LMO7: variants seen among roughly 807,000 people sequenced by gnomAD.
LMO7 encodes LIM domain 7, also known as LIM domain only protein 7.
In LMO7, 120 loss-of-function variants were observed where a neutral mutation model predicts 206.5. The ratio of observed to expected loss-of-function variants is 0.58; its 90% CI spans 0.50 to 0.68. The LOEUF is 0.68. Among genes scored for constraint, LMO7 ranks in the 30% least tolerant of loss-of-function variants. LMO7 has a pLI of 0.00. For synonymous variants in LMO7, 706 were observed against 681.5 expected, an observed-to-expected ratio of 1.04 and a Z score of -0.56; for missense variants, 1,959 against 1,957.9, an observed-to-expected ratio of 1.00 and a Z score of -0.01.
chr13:75,620,775 A>G (rs2033274919), exon 1 of LMO7: 1 of 152,114 alleles, frequency 6.6e-6, no homozygotes, highest in Non-Finnish European at 1.5e-5. Context: ...CTTTCCCACT[A>G]AGTGGCTTTC....
chr13:75,833,371 T>G (rs1187048795), intron 16 of LMO7, among the ~76,000 whole-genome samples: 1 of 152,184 alleles, frequency 6.6e-6, no homozygotes, highest in African/African-American at 2.4e-5. Flanking sequence ...GACTAATTAC[T>G]TTTAGTTTTG....
At chr13:75,716,894 C>CTTTT (rs35871564) in intron 2 of LMO7, among the ~76,000 whole-genome samples, 2 of 138,728 alleles carry the variant, frequency 1.4e-5, no homozygotes. Context: ...TGAAAACACT[C>CTTTT]TTTTTTTTTT....
In LMO7 at chr13:75,751,572, A is replaced by G. The variant is rs190914816; in HGVS notation, c.211-9360A>G. 1.2e-4 allele frequency among the ~76,000 whole-genome samples: 18 copies of G among 152,322 alleles called. No individual in the cohort carries two copies. In the East Asian group the frequency reaches 3.5e-3, roughly 29 times the overall value. On this transcript the variant is annotated intron_variant, in intron 3 of 30. Transcript: ENST00000377534. ...TGGTTAATTGACAGGGAACACTTCCAGGTGGTGTCGTTCTGGGAGCCTTGG... is the reference window on the plus strand; with the variant it reads ...TGGTTAATTGACAGGGAACACTTCCGGGTGGTGTCGTTCTGGGAGCCTTGG...
rs763828866 is a variant in LMO7, at chr13:75,795,422, A to T, written c.339A>T (p.Arg113Ser). The T allele has an allele frequency of 8.2e-6, 13 of 1,590,866 alleles. No homozygotes were observed. The East Asian group carries it at 2.7e-4, about 33-fold the overall frequency. The part of the protein sequence containing the change: ...VTVKQEETDR[R>S]VKNVLITLYW... ...ACAGGCAAGAAGAGACTGACAGGAG[A>T]GTGAAAAATGTAAGATACATTTACC... is the stretch of plus-strand genomic sequence containing the variant. Residue 113 changes from arginine to serine, a missense_variant, in exon 5 of 31, where the codon AGA (arginine) becomes AGT (serine). Coordinates refer to ENST00000377534, the MANE Select transcript of LMO7 (RefSeq NM_001306080.2).
At chr13:75,706,784 T>A (rs1209840399) in intron 1 of LMO7, among the ~76,000 whole-genome samples, 1 of 152,162 alleles carries the variant, frequency 6.6e-6, no homozygotes, top group African/African-American at 2.4e-5. Flanking sequence ...AGATTGAAGA[T>A]AATTTAATTT....
intron 4 of LMO7, among the ~76,000 whole-genome samples, chr13:75,787,345 C>T (rs868161539): frequency 7.9e-5 from 12 of 152,298 alleles, no homozygotes; most frequent in Middle Eastern, 6.8e-3. Context: ...ACCCACCTTT[C>T]GGCTCCTGCA....
chr13:75,738,060 G>C, intron 3 of LMO7, among the ~76,000 whole-genome samples: 1 of 151,874 alleles, frequency 6.6e-6, no homozygotes, highest in Non-Finnish European at 1.5e-5. Flanking sequence ...GGCCAAATGA[G>C]CTGTGGTCAG....
At chr13:75,842,962 A>C (rs1437555732) in intron 25 of LMO7, 46 bp downstream of exon 25, 6 of 1,205,554 alleles carry the variant, frequency 5.0e-6, no homozygotes, top group Non-Finnish European at 7.4e-6. Flanking sequence ...TAATGGCTTC[A>C]GACAATATTC....
At chr13:75,732,395 C>G (rs1005293127) in intron 3 of LMO7, among the ~76,000 whole-genome samples, 1 of 152,116 alleles carries the variant, frequency 6.6e-6, no homozygotes, top group Non-Finnish European at 1.5e-5. Flanking sequence ...TCACTGATAC[C>G]CTTTCTTCCA....
intron 4 of LMO7, among the ~76,000 whole-genome samples, chr13:75,777,788 G>T (rs1170739029): frequency 1.3e-5 from 2 of 151,806 alleles, no homozygotes; most frequent in African/African-American, 4.8e-5. Flanking sequence ...TGGGACTACA[G>T]GCGCCTGCCA....
intron 1 of LMO7, among the ~76,000 whole-genome samples, chr13:75,642,191 G>T (rs776363091): frequency 5.9e-5 from 9 of 152,160 alleles, no homozygotes; most frequent in Non-Finnish European, 1.2e-4. Flanking sequence ...TGAGGAACTG[G>T]GAGGGTTCCA....
At chr13:75,713,403 C>T (rs2043278655) in intron 2 of LMO7, 151 bp downstream of exon 2, 2 of 511,516 alleles carry the variant, frequency 3.9e-6, no homozygotes, top group Non-Finnish European at 7.0e-6. Context: ...ATTGATACCT[C>T]ACAATACGAG....
chr13:75,837,403 C>T (rs1318806938), intron 19 of LMO7, among the ~76,000 whole-genome samples: 7 of 152,290 alleles, frequency 4.6e-5, no homozygotes, highest in East Asian at 1.9e-4. Flanking sequence ...AGACATCTAG[C>T]TCTATGACGA....
chr13:75,650,901 C>G (rs2037492044), intron 1 of LMO7, among the ~76,000 whole-genome samples: 1 of 152,000 alleles, frequency 6.6e-6, no homozygotes, highest in Non-Finnish European at 1.5e-5. Context: ...TAAGATCTTT[C>G]CAAGAAGAAC....
chr13:75,628,955 C>G (rs938153189), intron 2 of LMO7, among the ~76,000 whole-genome samples: 1 of 152,336 alleles, frequency 6.6e-6, no homozygotes, highest in Non-Finnish European at 1.5e-5. Flanking sequence ...AAGCCAGTTT[C>G]TTTGTGTAGA....
intron 7 of LMO7, among the ~76,000 whole-genome samples, chr13:75,803,910 C>T (rs1345514575): frequency 6.6e-6 from 1 of 151,954 alleles, no homozygotes; most frequent in Non-Finnish European, 1.5e-5. Flanking sequence ...ACTGAGTTCT[C>T]CCAGAATTAT....
In LMO7 at chr13:75,856,765, T is replaced by C. The variant is rs2060996094; in HGVS notation, c.4873+157T>C. ...GTGTGTTCCCTTCAAAGAGTGTGTA[T>C]AGTGAATGGGTCACTGCTCAGGGTT... On this transcript the variant is annotated intron_variant, in intron 30 of 30. Coordinates refer to ENST00000377534, the MANE Select transcript of LMO7 (RefSeq NM_001306080.2). 6 of 577,488 alleles carry C rather than the reference T, an allele frequency of 1.0e-5. No individual in the cohort carries two copies. In the Admixed American group the frequency reaches 1.6e-4, roughly 15 times the overall value. 35.8% of individuals were successfully genotyped at this position (577,488 alleles called of 1,614,324 possible). A position where few individuals can be genotyped will look rare whatever the true frequency, so the allele number is the denominator to read the frequency against.
intron 1 of LMO7, among the ~76,000 whole-genome samples, chr13:75,653,483 G>A (rs1017731103): frequency 2.6e-5 from 4 of 152,212 alleles, no homozygotes; most frequent in African/African-American, 9.6e-5. Context: ...AAACCATACA[G>A]CACCAAGACA....
At chr13:75,639,276 C>A (rs2036277413) in intron 1 of LMO7, among the ~76,000 whole-genome samples, 1 of 152,104 alleles carries the variant, frequency 6.6e-6, no homozygotes, top group African/African-American at 2.4e-5. Flanking sequence ...CTTTATGAAT[C>A]TTGTTTTTAC....
Sources: gnomAD v4.1 joint callset for allele counts (sites outside exome capture counted in the v4.1 genomes callset) on GRCh38, gnomAD v4.1.1 for gene constraint, MANE v1.5 for transcripts, NCBI Gene and HGNC (gene_info 2026-07-23, HGNC 2026-07-21) for gene names.